The following HSPA4L variants were observed in gnomAD, a reference collection of about 807,000 sequenced individuals.
HSPA4L encodes the protein heat shock protein family A (Hsp70) member 4 like.
HSPA4L carries 48 observed loss-of-function variants against 100.3 expected under a neutral mutation model. The observed-to-expected ratio is 0.48, with a 90% CI of 0.38 to 0.61. The LOEUF (loss-of-function observed/expected upper bound fraction) is 0.61. HSPA4L is among the 20% of genes least tolerant of loss of function. The pLI is 0.00. For missense variants in HSPA4L, 886 were observed against 988.6 expected, an observed-to-expected ratio of 0.90 and a Z score of 1.39; for synonymous variants, 319 against 328.2, an observed-to-expected ratio of 0.97 and a Z score of 0.30.
chr4:127,811,485 C>T lies in HSPA4L; in HGVS notation c.1427C>T (p.Ser476Phe). The change falls in exon 12 of 19, where the codon TCC becomes TTC. Residue 476 changes from serine (S) to phenylalanine (F), a missense_variant. By Grantham distance (155) the Ser-to-Phe change is radical. Coordinates refer to ENST00000296464, the MANE Select transcript of HSPA4L (RefSeq NM_014278.4). The part of the protein sequence containing the change: ...NVFPQSDGDS[S>F]KVKVKVRVNI... ...TTTCCACAGTCTGATGGTGATAGTT[C>T]CAAAGTGAAGGTTAAAGTTCGTGTT... 1 of 1,613,856 alleles carries T rather than the reference C, an allele frequency of 6.2e-7. No homozygotes were observed. The highest frequency in any genetic ancestry group is 1.1e-5 in the South Asian group (1 of 91,054).
At position 127,801,788 on chromosome 4, in the gene HSPA4L, C is replaced by G; in HGVS notation, c.533C>G (p.Ala178Gly). 6.3e-7 allele frequency: 1 copy of G among 1,599,726 alleles called. No individual in the cohort carries two copies. Among genetic ancestry groups the G allele is most frequent in the Non-Finnish European group, 8.5e-7 (1 of 1,174,534 alleles). ...ATAATTCTTTGTTCTTATACAGTTG[C>G]ACTGGCGTATGGAATTTATAAACAG... Reference protein sequence around the residue: ...LRLMNETTAVALAYGIYKQDL... With the variant: ...LRLMNETTAVGLAYGIYKQDL... Residue 178 changes from alanine to glycine, a missense_variant, in exon 6 of 19, where the codon GCA becomes GGA. Physicochemically the swap from Ala to Gly is moderately conservative, Grantham distance 60 (BLOSUM62 0). Coordinates refer to ENST00000296464, the MANE Select transcript of HSPA4L (RefSeq NM_014278.4).
intron 7 of HSPA4L, 22 bp from the exon 8 acceptor site, chr4:127,803,989 A>G: frequency 6.2e-7 from 1 of 1,611,756 alleles, no homozygotes. Flanking sequence ...AGAATAATGA[A>G]TTTTATTCTA....
At chr4:127,815,070 G>T (rs1169964176) in intron 12 of HSPA4L, among the ~76,000 whole-genome samples, 2 of 151,968 alleles carry the variant, frequency 1.3e-5, no homozygotes, top group East Asian at 3.9e-4. Context: ...CCTAGCTGAT[G>T]GTATTGCTGG....
At chr4:127,794,881 C>G (rs1160931447) in intron 2 of HSPA4L, among the ~76,000 whole-genome samples, 1 of 152,046 alleles carries the variant, frequency 6.6e-6, no homozygotes, top group African/African-American at 2.4e-5. Flanking sequence ...GTCTGTTTGG[C>G]TTTAAAGGTC....
At chr4:127,828,917 A>C (rs1266229115) in intron 17 of HSPA4L, among the ~76,000 whole-genome samples, 3 of 152,150 alleles carry the variant, frequency 2.0e-5, no homozygotes, top group African/African-American at 4.8e-5. Flanking sequence ...CAAACATTTG[A>C]GTTTTTATTA....
rs1462912600 is a variant in HSPA4L at position 127,833,143 on chromosome 4, T to C, written c.*269T>C. The C allele has an allele frequency of 1.1e-5, 3 of 277,098 alleles. No individual in the cohort carries two copies. In the Admixed American group the frequency reaches 1.6e-4, roughly 15 times the overall value. 17.2% of individuals were successfully genotyped at this position (277,098 alleles called of 1,614,324 possible). A position where few individuals can be genotyped will look rare whatever the true frequency, so the allele number is the denominator to read the frequency against. ...TCAAACATACAGGATGGATACATAGTTGGCAACAGTCTACCTTATTTAAAG... is the reference window on the plus strand; with the variant it reads ...TCAAACATACAGGATGGATACATAGCTGGCAACAGTCTACCTTATTTAAAG... On this transcript the variant is annotated 3_prime_UTR_variant, in exon 19 of 19. Transcript: ENST00000296464.
intron 16 of HSPA4L, among the ~76,000 whole-genome samples, chr4:127,825,722 C>A (rs1361139348): frequency 6.6e-6 from 1 of 151,842 alleles, no homozygotes; most frequent in Non-Finnish European, 1.5e-5. Context: ...GTCAGGAGTT[C>A]CAGACCAGCC....
rs187708119 is a variant in HSPA4L at position 127,783,456 on chromosome 4, T to C, written c.107+799T>C. ...CCGTATAAACATGACTGTGGAGTGA[T>C]TCTATTATGAACGCTTAATGAAAGG... On this transcript the variant is annotated intron_variant, in intron 1 of 18. Transcript: ENST00000296464. 450 of 1,385,070 alleles carry C rather than the reference T, an allele frequency of 3.2e-4. 2 individuals carry two copies. The African/African-American group carries it at 5.9e-3, about 18-fold the overall frequency. The allele number at this position is 1,385,070 out of a possible 1,614,324, so 85.8% of individuals were successfully genotyped here. A position where few individuals can be genotyped will look rare whatever the true frequency, so the allele number is the denominator to read the frequency against.
At position 127,820,449 on chromosome 4, in the gene HSPA4L, G is replaced by A; in HGVS notation, c.1696G>A (p.Asp566Asn). The A allele has an allele frequency of 6.3e-7, 1 of 1,599,808 alleles. No homozygotes were observed. Among genetic ancestry groups the A allele is most frequent in the Non-Finnish European group, 8.5e-7 (1 of 1,175,048 alleles). Residue 566 changes from aspartate (D) to asparagine (N), a missense_variant, in exon 14 of 19, where the codon GAC (aspartate) becomes AAC (asparagine). By Grantham distance (23) the Asp-to-Asn change is conservative. Transcript: ENST00000296464. ...KTKSAVSDKQ[D>N]RLNQTLKKGK... ...GCAGTCAGCTGTCTCAGACAAACAA[G>A]ACCGATTAAATCAGACACTTAAAAA... is the stretch of plus-strand genomic sequence containing the variant.
chr4:127,824,702 C>T (rs559600927), intron 16 of HSPA4L, among the ~76,000 whole-genome samples: 1 of 152,292 alleles, frequency 6.6e-6, no homozygotes, highest in East Asian at 1.9e-4. Flanking sequence ...TTTTCAGTGT[C>T]ACTGCTCTTG....
intron 13 of HSPA4L, among the ~76,000 whole-genome samples, chr4:127,820,089 G>A (rs1320914382): frequency 6.6e-6 from 1 of 152,044 alleles, no homozygotes; most frequent in Non-Finnish European, 1.5e-5. Flanking sequence ...TTTCCAGAAT[G>A]GCTGCAACAT....
rs368907722 is a variant in HSPA4L, at chr4:127,805,744, C to G, written c.1195C>G (p.Pro399Ala). 1.6e-5 allele frequency: 25 copies of G among 1,612,626 alleles called. No individual in the cohort carries two copies. The highest frequency in any genetic ancestry group is 2.1e-5 in the Non-Finnish European group (25 of 1,179,116). Residue 399 changes from proline to alanine, a missense_variant, in exon 10 of 19, where the codon CCC (proline) becomes GCC (alanine). Pro to Ala is a conservative substitution (Grantham distance 27). Transcript: ENST00000296464. ...VREFSITDLV[P>A]YSITLRWKTS... is the part of the protein sequence containing the mutation. ...TGAATTTTCCATAACAGACCTTGTTCCCTATTCAATCACATTAAGGTGGAA... is the reference window on the plus strand; with the variant it reads ...TGAATTTTCCATAACAGACCTTGTTGCCTATTCAATCACATTAAGGTGGAA...
intron 12 of HSPA4L, chr4:127,813,225 G>A (rs931691366): frequency 3.0e-5 from 31 of 1,044,710 alleles, no homozygotes; most frequent in East Asian, 1.7e-4. Context: ...GGAAGATGGC[G>A]GTTCCAGCCG....
chr4:127,800,913 A>C (rs1733156782), intron 4 of HSPA4L, among the ~76,000 whole-genome samples: 4 of 152,106 alleles, frequency 2.6e-5, no homozygotes. Context: ...AACTTAGGCA[A>C]CTCTGCCATA....
At position 127,808,262 on chromosome 4, in the gene HSPA4L, C is replaced by A. The variant is rs913876718; in HGVS notation, c.1378+133C>A. ...TTAAAGAAAGATATTTATACTCTTT[C>A]TAGAAATGTGCATTTGTAGTGCTCA... On this transcript the variant is annotated intron_variant, in intron 11 of 18. Transcript: ENST00000296464. The A allele has an allele frequency of 4.2e-6, 3 of 722,834 alleles. No homozygotes were observed. In the Admixed American group the frequency reaches 9.9e-5, roughly 24 times the overall value. The allele number at this position is 722,834 out of a possible 1,614,324, so 44.8% of individuals were successfully genotyped here. A position where few individuals can be genotyped will look rare whatever the true frequency, so the allele number is the denominator to read the frequency against.
intron 16 of HSPA4L, among the ~76,000 whole-genome samples, chr4:127,826,357 A>T (rs1041494311): frequency 2.0e-5 from 3 of 152,122 alleles, no homozygotes; most frequent in African/African-American, 7.2e-5. Context: ...AGCTGTCGCC[A>T]TTGCACTCCA....
Position 127,782,511 on chromosome 4 carries a change from G to C in HSPA4L, c.-40G>C, listed in dbSNP as rs76330431. 6.5e-7 allele frequency: 1 copy of C among 1,535,804 alleles called. No homozygotes were observed. Among genetic ancestry groups the C allele is most frequent in the South Asian group, 1.1e-5 (1 of 89,076 alleles). ...CAGAAGAGGACACGGTTCCCGTACCGAAGGGTTCAGTACCAGCAGCCCGAC... is the reference window on the plus strand; with the variant it reads ...CAGAAGAGGACACGGTTCCCGTACCCAAGGGTTCAGTACCAGCAGCCCGAC... On this transcript the variant is annotated 5_prime_UTR_variant, in exon 1 of 19. Coordinates refer to ENST00000296464, the MANE Select transcript of HSPA4L (RefSeq NM_014278.4).
intron 1 of HSPA4L, among the ~76,000 whole-genome samples, chr4:127,793,753 A>G (rs1027753589): frequency 3.3e-5 from 5 of 152,118 alleles, no homozygotes; most frequent in Non-Finnish European, 5.9e-5. Flanking sequence ...TTAACTGTTT[A>G]CCTTCCCTGA....
intron 17 of HSPA4L, among the ~76,000 whole-genome samples, chr4:127,830,100 A>G (rs1277646172): frequency 6.6e-6 from 1 of 152,038 alleles, no homozygotes; most frequent in African/African-American, 2.4e-5. Context: ...TCTGTGTCCA[A>G]ACTAATCCAT....
Sources: allele counts gnomAD v4.1 joint callset (sites outside exome capture counted in the v4.1 genomes callset), GRCh38; gene constraint gnomAD v4.1.1; transcripts MANE v1.5; gene names NCBI Gene and HGNC (gene_info 2026-07-23, HGNC 2026-07-21).